CACNA1C: variants seen among roughly 807,000 people sequenced by gnomAD.
The protein encoded by CACNA1C is voltage-dependent L-type calcium channel subunit alpha-1C.
A neutral mutation model predicts 229.0 loss-of-function variants in CACNA1C; 30 were observed. The observed-to-expected ratio is 0.13, with a 90% CI of 0.10 to 0.18. CACNA1C has a LOEUF of 0.18. CACNA1C is among the 10% of genes least tolerant of loss of function. The pLI is 1.00. For missense variants in CACNA1C, 1,658 were observed against 2,845.0 expected (o/e 0.58, Z 9.49); for synonymous variants, 1,114 against 1,132.5 (o/e 0.98, Z 0.33).
At chr12:2,192,315 A>G (rs2097263706) in intron 3 of CACNA1C, among the ~76,000 whole-genome samples, 1 of 152,152 alleles carries the variant, frequency 6.6e-6, no homozygotes, top group Non-Finnish European at 1.5e-5. Context: ...GCTCCCAAAC[A>G]ACTCTTAACA....
chr12:2,610,451 G>A (rs1290896414), intron 27 of CACNA1C, 90 bp from the exon 28 acceptor site: 3 of 1,344,576 alleles, frequency 2.2e-6, no homozygotes, highest in Non-Finnish European at 3.1e-6. Context: ...ACAGTGTGTG[G>A]TCTCATCACA....
intron 7 of CACNA1C, among the ~76,000 whole-genome samples, chr12:2,500,484 G>A (rs755182971): frequency 6.6e-6 from 1 of 152,224 alleles, no homozygotes; most frequent in Non-Finnish European, 1.5e-5. Context: ...AGTGAGGAAA[G>A]ATTTCATTTT....
chr12:2,321,361 C>T (rs2095990018), intron 3 of CACNA1C, among the ~76,000 whole-genome samples: 1 of 150,572 alleles, frequency 6.6e-6, no homozygotes, highest in South Asian at 2.1e-4. Flanking sequence ...GGTGCATTAG[C>T]CTGGCTCAGT....
rs1186131702 is a variant in CACNA1C, at chr12:2,493,441, T to G, written c.1113+55T>G. On this transcript the variant is annotated intron_variant, in intron 7 of 46. Transcript: ENST00000399655. The surrounding 1 kb of genome is among the most constrained non-coding windows in gnomAD (Gnocchi z 4.6). ...TGGGGGAACAGCGGCCGTGAACCCT[T>G]CCCTGACACCTCCCTTTCTCCTCCT... is the stretch of plus-strand genomic sequence containing the variant. The G allele has an allele frequency of 1.5e-6, 2 of 1,325,518 alleles. No homozygotes were observed. Among genetic ancestry groups the G allele is most frequent in the Admixed American group, 3.4e-5 (2 of 58,278 alleles). 82.1% of individuals were successfully genotyped at this position (1,325,518 alleles called of 1,614,324 possible).
In CACNA1C at chr12:2,633,133, C is replaced by T. The variant is rs1464198897; in HGVS notation, c.3829-1164C>T. On this transcript the variant is annotated intron_variant, in intron 29 of 46. Coordinates refer to ENST00000399655, the MANE Select transcript of CACNA1C (RefSeq NM_000719.7). This position sits in a 1 kb window ranked among gnomAD's most constrained non-coding sequence, Gnocchi z 5.8. ...CATTGATGGCTGTGGTTTTCAAAGC[C>T]TTTTTCATTCCCAGCTTCACCCATA... 6.6e-6 allele frequency among the ~76,000 whole-genome samples: 1 copy of T among 152,178 alleles called. No individual in the cohort carries two copies. The highest frequency in any genetic ancestry group is 6.5e-5 in the Admixed American group (1 of 15,286).
intron 1 of CACNA1C, among the ~76,000 whole-genome samples, chr12:2,043,642 C>G: frequency 1.1e-5 from 1 of 91,382 alleles, no homozygotes; most frequent in East Asian, 2.9e-4. Context: ...ACAGAATATT[C>G]TTTTTTTTTT....
chr12:2,227,410 C>G (rs2063339853), intron 3 of CACNA1C, among the ~76,000 whole-genome samples: 1 of 152,230 alleles, frequency 6.6e-6, no homozygotes, highest in African/African-American at 2.4e-5. Context: ...CTTTGACTGA[C>G]TTTTGGCAAG....
At chr12:2,114,374 C>T (rs1055454559) in intron 1 of CACNA1C, among the ~76,000 whole-genome samples, 5 of 152,064 alleles carry the variant, frequency 3.3e-5, no homozygotes, top group Admixed American at 2.0e-4. Flanking sequence ...GGGGATGCAA[C>T]GTGGCTTTTT....
intron 43 of CACNA1C, 79 bp from the exon 44 acceptor site, chr12:2,685,657 C>T (rs550217149): frequency 2.8e-6 from 3 of 1,056,222 alleles, no homozygotes; most frequent in Admixed American, 1.8e-5. Flanking sequence ...GAGCAAAGTG[C>T]TTTCCGGGGG....
At chr12:2,203,032 C>T (rs915626389) in intron 3 of CACNA1C, among the ~76,000 whole-genome samples, 2 of 152,190 alleles carry the variant, frequency 1.3e-5, no homozygotes, top group African/African-American at 4.8e-5. Flanking sequence ...ATGGAATCCC[C>T]ATCAGGATCC....
At chr12:2,551,031 C>T (rs2099900585) in intron 10 of CACNA1C, among the ~76,000 whole-genome samples, 1 of 152,220 alleles carries the variant, frequency 6.6e-6, no homozygotes, top group Non-Finnish European at 1.5e-5. Flanking sequence ...TTTTAAGCAG[C>T]AGTGCAAACC....
chr12:2,668,880 T>C (rs889794743), intron 37 of CACNA1C, 53 bp from the exon 38 acceptor site: 4 of 1,180,512 alleles, frequency 3.4e-6, no homozygotes, highest in Non-Finnish European at 5.1e-6. Flanking sequence ...TGTTCTGCGG[T>C]CCCCTAAGCA....
intron 3 of CACNA1C, among the ~76,000 whole-genome samples, chr12:2,122,539 G>A (rs1208257660): frequency 1.3e-5 from 2 of 151,842 alleles, no homozygotes; most frequent in Admixed American, 6.5e-5. Context: ...CCGGCCTCCC[G>A]GTCCTTGCTC....
At chr12:2,461,881 A>G (rs551162019) in intron 5 of CACNA1C, among the ~76,000 whole-genome samples, 5 of 152,168 alleles carry the variant, frequency 3.3e-5, no homozygotes, top group African/African-American at 1.2e-4. Flanking sequence ...AGCCTCCTGC[A>G]GGAGTCTCTG....
intron 3 of CACNA1C, among the ~76,000 whole-genome samples, chr12:2,240,794 C>T (rs2069694385): frequency 6.6e-6 from 1 of 152,074 alleles, no homozygotes. Context: ...ATTTTCCTTG[C>T]CCTCTCCCCC....
At chr12:2,380,496 A>C (rs1053947785) in intron 3 of CACNA1C, among the ~76,000 whole-genome samples, 31 of 152,202 alleles carry the variant, frequency 2.0e-4, no homozygotes, top group Non-Finnish European at 3.8e-4. Flanking sequence ...AGGAGCATTC[A>C]GTTGCTCTCT....
intron 1 of CACNA1C, among the ~76,000 whole-genome samples, chr12:2,109,050 C>A (rs1034687391): frequency 6.6e-6 from 1 of 152,190 alleles, no homozygotes; most frequent in Non-Finnish European, 1.5e-5. Context: ...CAGTTCTTCC[C>A]TTTCTAGGTG....
At chr12:2,244,041 C>T (rs1039081820) in intron 3 of CACNA1C, among the ~76,000 whole-genome samples, 2 of 152,204 alleles carry the variant, frequency 1.3e-5, no homozygotes, top group African/African-American at 4.8e-5. Context: ...CCACTGAGGA[C>T]CTGGGTGAAC....
intron 8 of CACNA1C, among the ~76,000 whole-genome samples, chr12:2,509,100 G>A (rs1031081476): frequency 6.6e-6 from 1 of 152,210 alleles, no homozygotes; most frequent in African/African-American, 2.4e-5. Flanking sequence ...TACATAGGTA[G>A]TCATCCCATC....
Sources: gnomAD v4.1 joint callset for allele counts (sites outside exome capture counted in the v4.1 genomes callset) on GRCh38, gnomAD v4.1.1 for gene constraint, Gnocchi (gnomAD v3.1) non-coding constraint, MANE v1.5 for transcripts, NCBI Gene and HGNC (gene_info 2026-07-23, HGNC 2026-07-21) for gene names.